The following IMPG1 variants were observed in gnomAD, a reference collection of about 807,000 sequenced individuals.
IMPG1 encodes interphotoreceptor matrix proteoglycan 1.
IMPG1 carries 85 observed loss-of-function variants against 92.0 expected under a neutral mutation model. The ratio of observed to expected loss-of-function variants is 0.92; its 90% CI spans 0.78 to 1.11. The LOEUF is 1.11. IMPG1 is among the 50% of genes least tolerant of loss of function. The pLI, the probability that IMPG1 is intolerant of heterozygous loss-of-function variation, is 0.00. For missense variants in IMPG1, 1,022 were observed against 956.0 expected, an observed-to-expected ratio of 1.07 and a Z score of -0.91; for synonymous variants, 367 against 334.1, an observed-to-expected ratio of 1.10 and a Z score of -1.08.
intron 14 of IMPG1, among the ~76,000 whole-genome samples, chr6:75,946,145 G>A (rs1044437596): frequency 6.6e-6 from 1 of 152,196 alleles, no homozygotes; most frequent in Non-Finnish European, 1.5e-5. Flanking sequence ...GCATTTAGGA[G>A]GTGTTTGATT....
intron 7 of IMPG1, among the ~76,000 whole-genome samples, chr6:76,014,878 T>C (rs999281602): frequency 5.9e-5 from 9 of 152,174 alleles, no homozygotes; most frequent in African/African-American, 2.2e-4. Context: ...TATCTGGGAT[T>C]GATTAAGAGT....
At chr6:76,051,940 C>T (rs1023204548) in intron 1 of IMPG1, among the ~76,000 whole-genome samples, 3 of 151,614 alleles carry the variant, frequency 2.0e-5, no homozygotes, top group Admixed American at 6.6e-5. Flanking sequence ...CTATTCCATA[C>T]GTGTACATAT....
intron 12 of IMPG1, among the ~76,000 whole-genome samples, chr6:75,962,538 AG>A (rs1782227255): frequency 1.3e-5 from 2 of 152,200 alleles, no homozygotes; most frequent in Non-Finnish European, 2.9e-5. Context: ...GAATAAACCC[AG>A]AGGGAGAAGG....
intron 12 of IMPG1, among the ~76,000 whole-genome samples, chr6:75,970,005 T>C (rs1782378252): frequency 6.6e-6 from 1 of 152,192 alleles, no homozygotes; most frequent in Admixed American, 6.5e-5. Flanking sequence ...TTCTATGAGG[T>C]TACAGTCTTA....
chr6:75,939,340 C>A (rs1781801024), intron 14 of IMPG1, among the ~76,000 whole-genome samples: 1 of 152,016 alleles, frequency 6.6e-6, no homozygotes, highest in Non-Finnish European at 1.5e-5. Context: ...CTAATGCTAT[C>A]CCTCCCTGCT....
chr6:75,924,531 A>ATATAATTATATAATATAATTATATATTAT (rs1424848573), intron 15 of IMPG1, among the ~76,000 whole-genome samples: 3 of 44,772 alleles, frequency 6.7e-5, no homozygotes, highest in African/African-American at 1.7e-4. Context: ...TATATATTAT[A>ATATAATTATATAATATAATTATATATTAT]ATATAATTAT....
intron 1 of IMPG1, among the ~76,000 whole-genome samples, chr6:76,051,781 T>C (rs1784047706): frequency 6.6e-6 from 1 of 152,156 alleles, no homozygotes; most frequent in Non-Finnish European, 1.5e-5. Context: ...AAATCAGCAG[T>C]CTCTTATCTC....
Position 75,948,659 on chromosome 6 carries a change from G to C in IMPG1, c.1825-1126C>G, listed in dbSNP as rs182478941. On this transcript the variant is annotated intron_variant, in intron 13 of 16. Coordinates refer to ENST00000369950, the MANE Select transcript of IMPG1 (RefSeq NM_001563.4). The stretch of plus-strand genomic sequence containing the variant: ...GGTGTCTTAGCATTGCTTTGGCCTG[G>C]GGTAGAGATTCCCTGTCTTCACCTA... Among the ~76,000 whole-genome samples the C allele has an allele frequency of 2.0e-5, 3 of 152,214 alleles. No individual in the cohort carries two copies. In the East Asian group the frequency reaches 5.8e-4, roughly 29 times the overall value.
intron 12 of IMPG1, among the ~76,000 whole-genome samples, chr6:75,992,282 C>T (rs1311843482): frequency 6.6e-6 from 1 of 152,190 alleles, no homozygotes; most frequent in Admixed American, 6.5e-5. Flanking sequence ...TGAGCCAGCT[C>T]CTTAAATAAA....
Position 75,947,492 on chromosome 6 carries a change from T to A in IMPG1, c.1866A>T (p.Gln622His). ...YLRSNLTGFKQLEILNFRNGS... is the reference protein window; with the variant it reads ...YLRSNLTGFKHLEILNFRNGS... ...CGTTTCTGAAGTTAAGTATTTCAAGTTGCTTAAATCCTGTAAGATTGGATC... is the reference window on the plus strand; with the variant it reads ...CGTTTCTGAAGTTAAGTATTTCAAGATGCTTAAATCCTGTAAGATTGGATC... The change falls in exon 14 of 17, where the codon CAA (glutamine) becomes CAT (histidine). Residue 622 changes from glutamine (Q) to histidine (H), a missense_variant. This residue lies in a region of IMPG1 where 332 missense variants were observed against 346.2 expected (regional missense o/e 0.96). Coordinates refer to ENST00000369950, the MANE Select transcript of IMPG1 (RefSeq NM_001563.4). 3.1e-6 allele frequency: 5 copies of A among 1,613,828 alleles called. No homozygotes were observed. Among genetic ancestry groups the A allele is most frequent in the Non-Finnish European group, 4.2e-6 (5 of 1,179,820 alleles).
Position 75,975,975 on chromosome 6 carries a change from A to G in IMPG1, c.1292-24881T>C, listed in dbSNP as rs376248910. On this transcript the variant is annotated intron_variant, in intron 12 of 16. Transcript: ENST00000369950. ...TTTGATTTTTTGGAACCACTGAGAA[A>G]AGTAAAAAGCATGCCTAGCTTGCGG... 1.6e-4 allele frequency among the ~76,000 whole-genome samples: 25 copies of G among 152,260 alleles called. No homozygotes were observed. In the South Asian group the frequency reaches 5.0e-3, roughly 30 times the overall value.
intron 4 of IMPG1, among the ~76,000 whole-genome samples, chr6:76,025,588 T>C (rs562463423): frequency 7.2e-5 from 11 of 152,306 alleles, no homozygotes; most frequent in Non-Finnish European, 1.6e-4. Flanking sequence ...ACTGTGTTCT[T>C]GACATCAGAG....
In IMPG1 at chr6:76,005,466, G is replaced by A. The variant is rs1191726871; in HGVS notation, c.956C>T (p.Ala319Val). 5.0e-6 allele frequency: 8 copies of A among 1,613,930 alleles called. No homozygotes were observed. In the East Asian group the frequency reaches 1.8e-4, roughly 36 times the overall value. ...KRHSAEAKSP[A>V]SDLLSFDSNK... ...GGAATCAAAAGACAGGAGGTCACTT[G>A]CAGGGCTTTTTGCTTCTGCACTGTG... Residue 319 changes from alanine (A) to valine (V), a missense_variant, in exon 10 of 17, where the codon GCA (alanine) becomes GTA (valine). This residue lies in a region of IMPG1 where 681 missense variants were observed against 583.6 expected (regional missense o/e 1.17). Transcript: ENST00000369950.
At chr6:76,028,602 G>T (rs1783595646) in intron 4 of IMPG1, among the ~76,000 whole-genome samples, 1 of 152,172 alleles carries the variant, frequency 6.6e-6, no homozygotes. Context: ...GGCCGAGGCG[G>T]GTGGATCACA....
chr6:76,072,660 T>C lies in IMPG1; in HGVS notation c.-172A>G, dbSNP rs904067655. 2.0e-6 allele frequency: 1 copy of C among 497,704 alleles called. No individual in the cohort carries two copies. The highest frequency in any genetic ancestry group is 3.5e-6 in the Non-Finnish European group (1 of 283,200). The allele number at this position is 497,704 out of a possible 1,614,324, so 30.8% of individuals were successfully genotyped here. On this transcript the variant is annotated 5_prime_UTR_variant, in exon 1 of 17. Transcript: ENST00000369950. ...AATTTATGAAGAACATGTAGCAGTG[T>C]CTGTTTCTGGAATAATCTGCTTGTC...
intron 14 of IMPG1, chr6:75,934,967 C>T (rs553108171): frequency 2.1e-6 from 1 of 471,512 alleles, no homozygotes; most frequent in African/African-American, 2.0e-5. Flanking sequence ...GGATCCTGTC[C>T]AAGGGCAAGG....
intron 14 of IMPG1, among the ~76,000 whole-genome samples, chr6:75,946,865 C>G (rs1185953391): frequency 6.6e-6 from 1 of 151,776 alleles, no homozygotes; most frequent in African/African-American, 2.4e-5. Context: ...GTCTCTGATC[C>G]TGAATTACAT....
intron 12 of IMPG1, among the ~76,000 whole-genome samples, chr6:75,952,525 G>A (rs561408356): frequency 2.0e-4 from 30 of 152,248 alleles, no homozygotes; most frequent in South Asian, 1.7e-3. Flanking sequence ...GGGTACCTGC[G>A]TGTGTCTACT....
At position 76,005,268 on chromosome 6, in the gene IMPG1, T is replaced by C; in HGVS notation, c.1135+19A>G. The C allele has an allele frequency of 6.2e-7, 1 of 1,611,714 alleles. No homozygotes were observed. The highest frequency in any genetic ancestry group is 8.5e-7 in the Non-Finnish European group (1 of 1,178,442). On this transcript the variant is annotated intron_variant, in intron 10 of 16. Transcript: ENST00000369950. ...GCCAAAATGAGAATAAACTCAGAAC[T>C]AAGCAATCATTAACTGACCATCAGT...
Sources: gnomAD v4.1 joint callset for allele counts (sites outside exome capture counted in the v4.1 genomes callset) on GRCh38, gnomAD v4.1.1 for gene constraint, gnomAD v4.1.1 regional missense constraint, MANE v1.5 for transcripts, NCBI Gene and HGNC (gene_info 2026-07-23, HGNC 2026-07-21) for gene names.